The following PLCL1 variants were observed in gnomAD, a reference collection of about 807,000 sequenced individuals.
PLCL1 encodes inactive phospholipase C-like protein 1.
In PLCL1, 41 loss-of-function variants were observed where a neutral mutation model predicts 84.4. That is an observed-to-expected ratio of 0.49 (90% confidence interval 0.38 to 0.63). The LOEUF (loss-of-function observed/expected upper bound fraction) is 0.63. Among genes scored for constraint, PLCL1 ranks in the 30% least tolerant of loss-of-function variants. The pLI is 0.00. For missense variants in PLCL1, 1,206 were observed against 1,367.8 expected (o/e 0.88, Z 1.87); for synonymous variants, 490 against 488.3 (o/e 1.00, Z -0.05).
intron 1 of PLCL1, among the ~76,000 whole-genome samples, chr2:198,070,310 A>T (rs1202591608): frequency 6.6e-6 from 1 of 152,132 alleles, no homozygotes; most frequent in African/African-American, 2.4e-5. Context: ...CTAGTAAGGA[A>T]TTCTCAAGTT....
In PLCL1 at chr2:198,098,022, A is replaced by G. The variant is rs938839295; in HGVS notation, c.2920-3263A>G. Among the ~76,000 whole-genome samples, 4 of 152,320 alleles carry G rather than the reference A, an allele frequency of 2.6e-5. No homozygotes were observed. The East Asian group carries it at 7.7e-4, about 29-fold the overall frequency. Reference sequence around the variant, plus strand: ...CATTCTAGTTAGCAAATATATATGTAAGAGCAATCTGATTTACAAATGTAC... The same window carrying G: ...CATTCTAGTTAGCAAATATATATGTGAGAGCAATCTGATTTACAAATGTAC... On this transcript the variant is annotated intron_variant, in intron 3 of 5. Coordinates refer to ENST00000428675, the MANE Select transcript of PLCL1 (RefSeq NM_006226.4).
chr2:197,880,981 T>C (rs1368276911), intron 1 of PLCL1, among the ~76,000 whole-genome samples: 2 of 152,124 alleles, frequency 1.3e-5, no homozygotes, highest in Non-Finnish European at 2.9e-5. Context: ...CTTTTAAAGG[T>C]TAGTCAATGT....
At chr2:197,964,271 CT>C (rs1240088336) in intron 1 of PLCL1, among the ~76,000 whole-genome samples, 1 of 151,966 alleles carries the variant, frequency 6.6e-6, no homozygotes, top group East Asian at 1.9e-4. Flanking sequence ...TTTTCCATGT[CT>C]TTCATAAATG....
intron 1 of PLCL1, among the ~76,000 whole-genome samples, chr2:197,997,788 C>T (rs1468234412): frequency 6.6e-6 from 1 of 152,148 alleles, no homozygotes. Flanking sequence ...AGAGAGAGGG[C>T]CTTACCTTGT....
chr2:198,059,549 GAGA>G (rs1692143708), intron 1 of PLCL1, among the ~76,000 whole-genome samples: 1 of 152,160 alleles, frequency 6.6e-6, no homozygotes, highest in African/African-American at 2.4e-5. Context: ...TTGCTTGACA[GAGA>G]AGAAGAGACC....
At chr2:198,101,155 C>T in intron 3 of PLCL1, 130 bp from the exon 4 acceptor site, 1 of 660,214 alleles carries the variant, frequency 1.5e-6, no homozygotes, top group African/African-American at 1.8e-5. Context: ...CTTCTCCCTC[C>T]CATCTGTTGT....
chr2:197,876,150 T>G (rs191836110), intron 1 of PLCL1, among the ~76,000 whole-genome samples: 93 of 152,314 alleles, frequency 6.1e-4, no homozygotes, highest in African/African-American at 2.2e-3. Context: ...AGTTACTCAC[T>G]GATTCAACAA....
At chr2:197,823,918 G>C (rs968848974) in intron 1 of PLCL1, among the ~76,000 whole-genome samples, 1 of 151,984 alleles carries the variant, frequency 6.6e-6, no homozygotes, top group Admixed American at 6.6e-5. Context: ...TTTACGAAAG[G>C]GTCAAGTTTG....
chr2:198,093,103 A>G (rs1320735932), intron 3 of PLCL1, among the ~76,000 whole-genome samples: 1 of 152,222 alleles, frequency 6.6e-6, no homozygotes, highest in Admixed American at 6.5e-5. Context: ...TGGAGACAGT[A>G]AAAAGATTAT....
chr2:197,978,077 CTG>C (rs1458676998), intron 1 of PLCL1, among the ~76,000 whole-genome samples: 1 of 152,192 alleles, frequency 6.6e-6, no homozygotes, highest in Non-Finnish European at 1.5e-5. Flanking sequence ...CTTGTTAACT[CTG>C]TATGATATTT....
chr2:197,923,631 A>G (rs972236328), intron 1 of PLCL1, among the ~76,000 whole-genome samples: 2 of 145,978 alleles, frequency 1.4e-5, no homozygotes, highest in African/African-American at 5.1e-5. Context: ...CTCACTTCCT[A>G]GATGGGATGG....
At chr2:197,991,111 C>A (rs977952772) in intron 1 of PLCL1, among the ~76,000 whole-genome samples, 7 of 152,238 alleles carry the variant, frequency 4.6e-5, no homozygotes, top group African/African-American at 1.4e-4. Context: ...GAAGACTTCC[C>A]TCCTGGTGAA....
intron 4 of PLCL1, among the ~76,000 whole-genome samples, chr2:198,103,030 A>C (rs1002748657): frequency 6.6e-6 from 1 of 152,088 alleles, no homozygotes; most frequent in Non-Finnish European, 1.5e-5. Flanking sequence ...GTGTTTCCCA[A>C]AATGCTATTT....
At chr2:198,079,383 T>C (rs1692655216) in intron 1 of PLCL1, among the ~76,000 whole-genome samples, 1 of 152,004 alleles carries the variant, frequency 6.6e-6, no homozygotes, top group African/African-American at 2.4e-5. Flanking sequence ...CAGTAGTAGA[T>C]AAGCAACAGT....
intron 1 of PLCL1, among the ~76,000 whole-genome samples, chr2:197,832,264 T>G (rs1045670621): frequency 6.6e-6 from 1 of 151,884 alleles, no homozygotes; most frequent in Non-Finnish European, 1.5e-5. Context: ...CTAGCCAGAC[T>G]AATAAAGAAG....
At chr2:198,042,535 A>G (rs1442125415) in intron 1 of PLCL1, among the ~76,000 whole-genome samples, 1 of 152,180 alleles carries the variant, frequency 6.6e-6, no homozygotes, top group Admixed American at 6.5e-5. Context: ...TCAGAGAAGA[A>G]GCAAAAGTAT....
chr2:197,966,144 T>C (rs1333098994), intron 1 of PLCL1, among the ~76,000 whole-genome samples: 1 of 151,858 alleles, frequency 6.6e-6, no homozygotes, highest in Non-Finnish European at 1.5e-5. Flanking sequence ...GGTATTCAAG[T>C]TGCAAGACAA....
chr2:197,949,971 GA>G (rs1689357179), intron 1 of PLCL1, among the ~76,000 whole-genome samples: 1 of 152,164 alleles, frequency 6.6e-6, no homozygotes, highest in South Asian at 2.1e-4. Context: ...ATGACTTTGA[GA>G]ATGCAAGTTC....
chr2:197,900,292 A>C (rs1019800238), intron 1 of PLCL1, among the ~76,000 whole-genome samples: 4 of 152,212 alleles, frequency 2.6e-5, no homozygotes, highest in Non-Finnish European at 4.4e-5. Context: ...ATATTTTAGA[A>C]TCTATTAAGT....
Sources: gnomAD v4.1 joint callset for allele counts (sites outside exome capture counted in the v4.1 genomes callset) on GRCh38, gnomAD v4.1.1 for gene constraint, MANE v1.5 for transcripts, NCBI Gene and HGNC (gene_info 2026-07-23, HGNC 2026-07-21) for gene names.